OCA2: variants seen among roughly 807,000 people sequenced by gnomAD.
OCA2 encodes OCA2 melanosomal transmembrane protein, also known as P protein.
In OCA2, 77 loss-of-function variants were observed where a neutral mutation model predicts 100.2. The observed-to-expected ratio is 0.77, with a 90% confidence interval of 0.64 to 0.93. The LOEUF (loss-of-function observed/expected upper bound fraction) is 0.93, where lower values mean the gene tolerates loss of function less well. OCA2 is among the 40% of genes least tolerant of loss of function. OCA2 has a pLI of 0.00. For missense variants in OCA2, 1,062 were observed against 1,089.1 expected (o/e 0.98, Z 0.35); for synonymous variants, 432 against 439.2 (o/e 0.98, Z 0.21).
chr15:28,044,941 G>C (rs558377628), intron 2 of OCA2, among the ~76,000 whole-genome samples: 1 of 151,908 alleles, frequency 6.6e-6, no homozygotes, highest in Non-Finnish European at 1.5e-5. Context: ...ACTTAGAATT[G>C]GTTCCTTTAT....
intron 1 of OCA2, among the ~76,000 whole-genome samples, chr15:28,097,537 A>C (rs1277392688): frequency 6.6e-6 from 1 of 152,070 alleles, no homozygotes; most frequent in Non-Finnish European, 1.5e-5. Flanking sequence ...TCTCCATTGC[A>C]AGCCATCTTT....
chr15:28,082,188 T>C (rs960392486), intron 1 of OCA2, among the ~76,000 whole-genome samples: 1 of 152,112 alleles, frequency 6.6e-6, no homozygotes, highest in Non-Finnish European at 1.5e-5. Flanking sequence ...ATCTATAAAA[T>C]GGACCAATCA....
intron 19 of OCA2, among the ~76,000 whole-genome samples, chr15:27,915,044 A>G (rs990396075): frequency 2.6e-5 from 4 of 151,938 alleles, no homozygotes; most frequent in African/African-American, 7.2e-5. Flanking sequence ...AGAATAGAGG[A>G]CCCAGAAATA....
intron 13 of OCA2, among the ~76,000 whole-genome samples, chr15:27,984,400 T>C (rs1242512284): frequency 6.6e-6 from 1 of 152,100 alleles, no homozygotes; most frequent in Admixed American, 6.6e-5. Context: ...CAGCATCCCC[T>C]ACACCTGCTC....
At chr15:27,737,631 CAGT>C in the OCA2 span, among the ~76,000 whole-genome samples, 1 of 152,288 alleles carries the variant, frequency 6.6e-6, no homozygotes. Flanking sequence ...AAAAGGCAAA[CAGT>C]AGAATTTCTA....
chr15:27,887,577 T>TCATCAATAGCACATGGCTC (rs1257561121), intron 19 of OCA2, among the ~76,000 whole-genome samples: 1 of 148,570 alleles, frequency 6.7e-6, no homozygotes, highest in Non-Finnish European at 1.5e-5. Flanking sequence ...AGCCATGTGC[T>TCATCAATAGCACATGGCTC]ATGGTATTCT....
intron 18 of OCA2, among the ~76,000 whole-genome samples, chr15:27,930,905 C>A (rs72712632): frequency 0.015 from 2,266 of 152,140 alleles, 27 homozygotes; most frequent in South Asian, 0.062. Context: ...GTGCTTAGAA[C>A]ACTAAAAGTT....
At chr15:27,870,733 A>AAGGG (rs58445782) in intron 21 of OCA2, among the ~76,000 whole-genome samples, 2 of 131,738 alleles carry the variant, frequency 1.5e-5, no homozygotes, top group African/African-American at 3.1e-5. Flanking sequence ...AGAAGGAAGG[A>AAGGG]AGGGAGGGAG....
At chr15:27,933,762 A>C (rs989936563) in intron 18 of OCA2, among the ~76,000 whole-genome samples, 6 of 152,226 alleles carry the variant, frequency 3.9e-5, no homozygotes, top group African/African-American at 1.4e-4. Flanking sequence ...CGCAGGAACA[A>C]GTCATAGCGG....
chr15:27,951,614 G>A (rs1244531697), intron 18 of OCA2, among the ~76,000 whole-genome samples, 170 bp downstream of exon 18: 1 of 152,156 alleles, frequency 6.6e-6, no homozygotes, highest in African/African-American at 2.4e-5. Context: ...GAAACCAAAA[G>A]GAAAGGCGCC....
chr15:27,783,616 G>A (rs1345209983), intron 23 of OCA2, among the ~76,000 whole-genome samples: 1 of 152,218 alleles, frequency 6.6e-6, no homozygotes, highest in Non-Finnish European at 1.5e-5. Flanking sequence ...ACTATGAAGA[G>A]TTCGGCCAGA....
intron 23 of OCA2, among the ~76,000 whole-genome samples, chr15:27,804,847 T>G (rs571053014): frequency 6.6e-6 from 1 of 152,324 alleles, no homozygotes; most frequent in African/African-American, 2.4e-5. Flanking sequence ...GCAGGCCTGT[T>G]CCTTAGGAGA....
intron 19 of OCA2, among the ~76,000 whole-genome samples, chr15:27,911,427 A>G (rs539410621): frequency 6.6e-6 from 1 of 152,236 alleles, no homozygotes; most frequent in African/African-American, 2.4e-5. Context: ...GAAAAGAAAA[A>G]AGAAAAGAGA....
rs536443468 is a variant in OCA2, at chr15:28,036,698, C to CA, written c.228-4536dup. ...TATGATGCTTATATCATCATATTGA[C>CA]AAAAAATGAGCTAAAAAATGTTGAA... is the stretch of plus-strand genomic sequence containing the variant. On this transcript the variant is annotated intron_variant, in intron 2 of 23. Coordinates refer to ENST00000354638, the MANE Select transcript of OCA2 (RefSeq NM_000275.3). 2.9e-4 allele frequency among the ~76,000 whole-genome samples: 43 copies of CA among 149,940 alleles called. No homozygotes were observed. In the South Asian group the frequency reaches 6.2e-3, roughly 22 times the overall value.
intron 23 of OCA2, among the ~76,000 whole-genome samples, chr15:27,806,048 G>T (rs1310112644): frequency 6.6e-6 from 1 of 152,216 alleles, no homozygotes; most frequent in African/African-American, 2.4e-5. Flanking sequence ...TGACTATTTA[G>T]AAAGTAAATA....
At chr15:28,019,250 G>C (rs967763597) in intron 6 of OCA2, among the ~76,000 whole-genome samples, 7 of 152,034 alleles carry the variant, frequency 4.6e-5, no homozygotes, top group Non-Finnish European at 7.4e-5. Context: ...AGGGAGAATG[G>C]GGAGAAGGGA....
At chr15:27,812,951 A>C (rs1240291426) in intron 23 of OCA2, among the ~76,000 whole-genome samples, 2 of 151,690 alleles carry the variant, frequency 1.3e-5, no homozygotes, top group African/African-American at 4.8e-5. Context: ...ACTTCCCCAC[A>C]TGCCCACTAC....
chr15:27,813,301 A>G (rs188470005), intron 23 of OCA2, among the ~76,000 whole-genome samples: 1 of 152,072 alleles, frequency 6.6e-6, no homozygotes, highest in Non-Finnish European at 1.5e-5. Context: ...ACTGGCCCAG[A>G]GGGCCTCTCT....
chr15:27,979,159 T>TAC (rs2140934673), intron 14 of OCA2, among the ~76,000 whole-genome samples: 1 of 152,366 alleles, frequency 6.6e-6, no homozygotes, highest in East Asian at 1.9e-4. Context: ...CACTTTATTA[T>TAC]AAAGTAGACT....
Sources: allele counts gnomAD v4.1 joint callset (sites outside exome capture counted in the v4.1 genomes callset), GRCh38; gene constraint gnomAD v4.1.1; transcripts MANE v1.5; gene names NCBI Gene and HGNC (gene_info 2026-07-23, HGNC 2026-07-21).